Variants in BBX observed in about 807,000 individuals in gnomAD.
BBX encodes the protein HMG box transcription factor BBX.
In BBX, 30 loss-of-function variants were observed where a neutral mutation model predicts 100.2. The observed-to-expected ratio is 0.30, with a 90% CI of 0.22 to 0.41. The LOEUF (loss-of-function observed/expected upper bound fraction) is 0.41. BBX is among the 10% of genes least tolerant of loss of function. The pLI is 1.00. For missense variants in BBX, 1,023 were observed against 1,129.8 expected (o/e 0.91, Z 1.35); for synonymous variants, 376 against 388.1 (o/e 0.97, Z 0.37).
chr3:107,716,531 G>T, intron 4 of BBX, 76 bp from the exon 5 acceptor site: 1 of 1,529,152 alleles, frequency 6.5e-7, no homozygotes, highest in East Asian at 2.3e-5. Context: ...AATACAATTT[G>T]CAAACCAAGA....
intron 3 of BBX, among the ~76,000 whole-genome samples, chr3:107,705,949 T>C (rs1576430443): frequency 1.3e-5 from 2 of 152,014 alleles, no homozygotes; most frequent in African/African-American, 2.4e-5. Context: ...ACTCTTTCCT[T>C]CTAAAATCTT....
intron 15 of BBX, among the ~76,000 whole-genome samples, chr3:107,797,364 A>ATATATATATATATATATAT (rs71113691): frequency 1.8e-5 from 2 of 109,840 alleles, no homozygotes; most frequent in African/African-American, 3.3e-5. Context: ...ATATATATAT[A>ATATATATATATATATATAT]GCTTTATTGC....
In BBX at chr3:107,740,117, G is replaced by A. The variant is rs182331377; in HGVS notation, c.670-4513G>A. ...ACTCTATGTGGTGCTGTTGGGTTAT[G>A]CCCCCCGTGGCGGCCCAGGACTCTT... On this transcript the variant is annotated intron_variant, in intron 7 of 17. Coordinates refer to ENST00000325805, the MANE Select transcript of BBX (RefSeq NM_001142568.3). Among the ~76,000 whole-genome samples, 272 of 151,924 alleles carry A rather than the reference G, an allele frequency of 1.8e-3. 1 individual carries two copies. The highest frequency in any genetic ancestry group is 6.4e-3 in the African/African-American group (263 of 41,414).
intron 3 of BBX, among the ~76,000 whole-genome samples, chr3:107,671,133 C>T (rs2059002030): frequency 6.6e-6 from 1 of 150,472 alleles, no homozygotes; most frequent in African/African-American, 2.4e-5. Flanking sequence ...GCGCTTCCTT[C>T]AGTGAAAATA....
intron 7 of BBX, among the ~76,000 whole-genome samples, chr3:107,741,475 T>G (rs1386225481): frequency 6.6e-6 from 1 of 152,214 alleles, no homozygotes; most frequent in East Asian, 1.9e-4. Context: ...TTTTTGTTTT[T>G]GGGCATATAG....
In BBX at chr3:107,774,786, A is replaced by C; in HGVS notation, c.1983A>C (p.Thr661=). 1 of 1,613,668 alleles carries C rather than the reference A, an allele frequency of 6.2e-7. No individual in the cohort carries two copies. Among genetic ancestry groups the C allele is most frequent in the East Asian group, 2.2e-5 (1 of 44,860 alleles). The part of the protein sequence containing the change: ...HEGCWNEESW[T]FSQSGTSGSK... ...GGTGTTGGAATGAAGAAAGCTGGACATTTAGTCAGAGTGGGACCAGTGGGA... is the reference window on the plus strand; with the variant it reads ...GGTGTTGGAATGAAGAAAGCTGGACCTTTAGTCAGAGTGGGACCAGTGGGA... Residue 661 remains threonine (T), a synonymous_variant, in exon 12 of 18, where the codon ACA becomes ACC. Transcript: ENST00000325805.
At chr3:107,780,033 C>T (rs555782545) in intron 13 of BBX, among the ~76,000 whole-genome samples, 1 of 152,022 alleles carries the variant, frequency 6.6e-6, no homozygotes, top group East Asian at 1.9e-4. Flanking sequence ...AAAATAGGGT[C>T]GTATCAAGAT....
At chr3:107,602,800 T>G (rs2054153491) in intron 2 of BBX, among the ~76,000 whole-genome samples, 1 of 152,208 alleles carries the variant, frequency 6.6e-6, no homozygotes, top group Non-Finnish European at 1.5e-5. Flanking sequence ...TTCTTGTGGA[T>G]GAGCAAAGAA....
intron 3 of BBX, among the ~76,000 whole-genome samples, chr3:107,686,786 T>C (rs2059874983): frequency 6.6e-6 from 1 of 152,158 alleles, no homozygotes; most frequent in Non-Finnish European, 1.5e-5. Flanking sequence ...ACAGTTGTGG[T>C]GTTCACATTT....
intron 3 of BBX, among the ~76,000 whole-genome samples, chr3:107,692,283 G>T (rs148141611): frequency 0.015 from 2,322 of 151,772 alleles, 50 homozygotes; most frequent in Admixed American, 0.049. Flanking sequence ...CCATGCTGGT[G>T]CGCTGCACCT....
At chr3:107,696,879 T>G (rs909198176) in intron 3 of BBX, among the ~76,000 whole-genome samples, 2 of 151,584 alleles carry the variant, frequency 1.3e-5, no homozygotes, top group African/African-American at 4.9e-5. Context: ...CCATATTTCT[T>G]GGAGGCTTTG....
chr3:107,772,414 T>TA (rs1436936321), intron 10 of BBX, among the ~76,000 whole-genome samples: 3 of 152,242 alleles, frequency 2.0e-5, no homozygotes, highest in Non-Finnish European at 4.4e-5. Flanking sequence ...AATTCAGAGA[T>TA]ACGTTTGACG....
At chr3:107,748,806 C>G (rs2064831178) in intron 9 of BBX, among the ~76,000 whole-genome samples, 1 of 151,934 alleles carries the variant, frequency 6.6e-6, no homozygotes. Context: ...ATGTCATAAA[C>G]CAACAATTTT....
chr3:107,539,423 G>T (rs969153197), intron 2 of BBX, among the ~76,000 whole-genome samples: 20 of 152,122 alleles, frequency 1.3e-4, no homozygotes, highest in Non-Finnish European at 2.5e-4. Flanking sequence ...GGATGGAATT[G>T]AACTTCAAGC....
rs186272454 is a variant in BBX, at chr3:107,681,168, T to C, written c.-9-29284T>C. Among the ~76,000 whole-genome samples the C allele has an allele frequency of 7.2e-5, 11 of 152,210 alleles. No individual in the cohort carries two copies. The East Asian group carries it at 2.1e-3, about 29-fold the overall frequency. ...ATCAACACAAATAGACACAGAAATATTAATGGAAGGTTTATGATATCAGGA... is the reference window on the plus strand; with the variant it reads ...ATCAACACAAATAGACACAGAAATACTAATGGAAGGTTTATGATATCAGGA... On this transcript the variant is annotated intron_variant, in intron 3 of 17. Coordinates refer to ENST00000325805, the MANE Select transcript of BBX (RefSeq NM_001142568.3).
In BBX at chr3:107,707,018, A is replaced by G. The variant is rs572271349; in HGVS notation, c.-9-3434A>G. ...CCATAAGGAATTAAGAAAGAATTAG[A>G]TAACTATAAATTATTAAAGTGCACA... On this transcript the variant is annotated intron_variant, in intron 3 of 17. Coordinates refer to ENST00000325805, the MANE Select transcript of BBX (RefSeq NM_001142568.3). Among the ~76,000 whole-genome samples, 16 of 152,352 alleles carry G rather than the reference A, an allele frequency of 1.1e-4. 1 individual carries two copies. In the South Asian group the frequency reaches 3.3e-3, roughly 32 times the overall value.
At chr3:107,630,750 G>A (rs1038477500) in intron 2 of BBX, among the ~76,000 whole-genome samples, 3 of 152,224 alleles carry the variant, frequency 2.0e-5, no homozygotes, top group African/African-American at 7.2e-5. Context: ...AGACAGGCAT[G>A]TGCTGTCGGG....
chr3:107,564,973 C>T (rs987257207), intron 2 of BBX, among the ~76,000 whole-genome samples: 3 of 152,170 alleles, frequency 2.0e-5, no homozygotes, highest in Non-Finnish European at 4.4e-5. Flanking sequence ...GGAACATTCA[C>T]TCCATTTATT....
intron 3 of BBX, among the ~76,000 whole-genome samples, chr3:107,692,912 T>G (rs1280933004): frequency 1.8e-4 from 27 of 150,778 alleles, no homozygotes; most frequent in Non-Finnish European, 3.5e-4. Context: ...AGATGGTATC[T>G]CGTTGTGGTT....
Sources: allele counts gnomAD v4.1 joint callset (sites outside exome capture counted in the v4.1 genomes callset), GRCh38; gene constraint gnomAD v4.1.1; transcripts MANE v1.5; gene names NCBI Gene and HGNC (gene_info 2026-07-23, HGNC 2026-07-21).